VPS13B: variants seen among roughly 807,000 people sequenced by gnomAD.
The protein encoded by VPS13B is vacuolar protein sorting 13 homolog B, also known as intermembrane lipid transfer protein VPS13B.
VPS13B carries 285 observed loss-of-function variants against 426.4 expected under a neutral mutation model. The observed-to-expected ratio is 0.67, with a 90% CI of 0.61 to 0.74. VPS13B has a LOEUF of 0.74. Among genes scored for constraint, VPS13B ranks in the 30% least tolerant of loss-of-function variants. The probability of loss-of-function intolerance (pLI) is 0.00; values close to 1 mark genes in which losing one functional copy is unlikely to be tolerated. For synonymous variants in VPS13B, 1,676 were observed against 1,676.4 expected, an observed-to-expected ratio of 1.00 and a Z score of 0.01; for missense variants, 4,537 against 4,782.6, an observed-to-expected ratio of 0.95 and a Z score of 1.51.
intron 2 of VPS13B, among the ~76,000 whole-genome samples, chr8:99,035,067 G>T (rs539011681): frequency 6.7e-6 from 1 of 149,870 alleles, no homozygotes; most frequent in South Asian, 2.1e-4. Context: ...GTGGTGACGT[G>T]CATATAATCC....
Position 99,859,338 on chromosome 8 carries a change from C to T in VPS13B, c.10902C>T (p.Ser3634=), listed in dbSNP as rs2130933479. The part of the protein sequence containing the change: ...WVVGSLDILG[S]PASLVRSIGN... ...TTGGGTCTCTGGATATTCTTGGCAG[C>T]CCTGCAAGCCTGGTGAGAAGCATCG... Residue 3634 remains serine, a synonymous_variant, in exon 57 of 62, where the codon AGC becomes AGT. Transcript: ENST00000357162. 2 of 1,613,924 alleles carry T rather than the reference C, an allele frequency of 1.2e-6. No homozygotes were observed. Among genetic ancestry groups the T allele is most frequent in the South Asian group, 1.1e-5 (1 of 91,060 alleles).
intron 25 of VPS13B, among the ~76,000 whole-genome samples, chr8:99,488,142 T>A (rs1464948621): frequency 2.0e-5 from 3 of 152,198 alleles, no homozygotes; most frequent in Non-Finnish European, 2.9e-5. Flanking sequence ...TATTCGGTGC[T>A]GATTTTCTGA....
At position 99,853,901 on chromosome 8, in the gene VPS13B, T is replaced by C; in HGVS notation, c.10512T>C (p.Ala3504=). 1.2e-6 allele frequency: 2 copies of C among 1,614,228 alleles called. No individual in the cohort carries two copies. The highest frequency in any genetic ancestry group is 8.5e-7 in the Non-Finnish European group (1 of 1,180,046). ...INEFSFELKP[A]RLYVEDTFVY... ...AGTTCAGCTTTGAATTAAAACCTGC[T>C]CGGTTATACGTGGAAGACACATTTG... is the stretch of plus-strand genomic sequence containing the variant. The change falls in exon 56 of 62, where the codon GCT becomes GCC. Residue 3504 remains alanine (A), a synonymous_variant. Transcript: ENST00000357162.
chr8:99,593,310 GC>G (rs1436277858), intron 33 of VPS13B, among the ~76,000 whole-genome samples: 9 of 152,070 alleles, frequency 5.9e-5, no homozygotes, highest in African/African-American at 2.2e-4. Context: ...ATGAAAAAAA[GC>G]TCAGGATCAC....
intron 51 of VPS13B, among the ~76,000 whole-genome samples, chr8:99,830,938 T>C (rs552915684): frequency 6.6e-6 from 1 of 151,910 alleles, no homozygotes; most frequent in Admixed American, 6.5e-5. Context: ...ACCCACTGTC[T>C]AAACAGTCCC....
At chr8:99,086,056 T>G (rs1192776125) in intron 3 of VPS13B, among the ~76,000 whole-genome samples, 1 of 152,226 alleles carries the variant, frequency 6.6e-6, no homozygotes, top group Non-Finnish European at 1.5e-5. Context: ...CAGAGTGTTT[T>G]CCAACTTGTT....
intron 7 of VPS13B, among the ~76,000 whole-genome samples, chr8:99,120,838 G>T (rs1335458218): frequency 2.0e-5 from 3 of 151,888 alleles, no homozygotes; most frequent in Non-Finnish European, 4.4e-5. Flanking sequence ...TTGAGAGGTA[G>T]GTTTTTTGTT....
At chr8:99,684,090 GTTA>G (rs1406364630) in intron 35 of VPS13B, among the ~76,000 whole-genome samples, 1 of 152,138 alleles carries the variant, frequency 6.6e-6, no homozygotes, top group African/African-American at 2.4e-5. Context: ...TAGTATCTTT[GTTA>G]TTGTTGTAAA....
At chr8:99,295,762 C>T (rs1271528959) in intron 19 of VPS13B, among the ~76,000 whole-genome samples, 1 of 152,158 alleles carries the variant, frequency 6.6e-6, no homozygotes, top group African/African-American at 2.4e-5. Context: ...GGCGCAATGG[C>T]TCATCCCTAT....
At chr8:99,058,763 A>G (rs148014497) in intron 3 of VPS13B, among the ~76,000 whole-genome samples, 2 of 152,270 alleles carry the variant, frequency 1.3e-5, no homozygotes, top group Non-Finnish European at 2.9e-5. Flanking sequence ...TGTCTGTGGC[A>G]TTGGAGAGGT....
chr8:99,835,862 C>T (rs967785288), intron 54 of VPS13B, 124 bp downstream of exon 54: 3 of 953,934 alleles, frequency 3.1e-6, no homozygotes, highest in African/African-American at 1.6e-5. Flanking sequence ...TGTGAGAGAA[C>T]ATGTGTATCC....
chr8:99,688,843 A>G (rs551645303), intron 35 of VPS13B, among the ~76,000 whole-genome samples: 21 of 152,200 alleles, frequency 1.4e-4, no homozygotes, highest in African/African-American at 3.9e-4. Flanking sequence ...AAGCTTATAT[A>G]TCATCTCGAG....
intron 25 of VPS13B, among the ~76,000 whole-genome samples, chr8:99,484,336 T>C (rs1820190135): frequency 6.6e-6 from 1 of 152,136 alleles, no homozygotes; most frequent in Non-Finnish European, 1.5e-5. Flanking sequence ...TGTTTTGTAC[T>C]ATCTATAGAT....
chr8:99,294,511 G>A (rs898385635), intron 19 of VPS13B, among the ~76,000 whole-genome samples: 2 of 149,990 alleles, frequency 1.3e-5, no homozygotes, highest in East Asian at 3.9e-4. Flanking sequence ...TGCACAATGT[G>A]CACATGTACC....
At chr8:99,139,846 A>T (rs1810303168) in intron 12 of VPS13B, among the ~76,000 whole-genome samples, 2 of 151,954 alleles carry the variant, frequency 1.3e-5, no homozygotes, top group Admixed American at 6.6e-5. Flanking sequence ...GGATACTTGT[A>T]AATACTTAAA....
intron 19 of VPS13B, among the ~76,000 whole-genome samples, chr8:99,316,327 T>G (rs979917230): frequency 1.3e-5 from 2 of 152,022 alleles, no homozygotes; most frequent in Non-Finnish European, 2.9e-5. Flanking sequence ...AGTGGGAATA[T>G]AGGGATATGG....
At chr8:99,554,702 T>C (rs1824461781) in intron 30 of VPS13B, among the ~76,000 whole-genome samples, 2 of 152,068 alleles carry the variant, frequency 1.3e-5, no homozygotes, top group African/African-American at 4.8e-5. Flanking sequence ...AAAAGCTTCA[T>C]AAAAACAGAG....
intron 17 of VPS13B, among the ~76,000 whole-genome samples, chr8:99,251,802 T>G (rs1817524671): frequency 6.6e-6 from 1 of 152,002 alleles, no homozygotes; most frequent in Non-Finnish European, 1.5e-5. Context: ...AGATTTACTT[T>G]TTGGGTTCAT....
chr8:99,410,472 C>T (rs1332980711), intron 21 of VPS13B, among the ~76,000 whole-genome samples: 1 of 152,010 alleles, frequency 6.6e-6, no homozygotes, highest in Non-Finnish European at 1.5e-5. Flanking sequence ...CATGTTACCT[C>T]CTTTGTGGAA....
Sources: gnomAD v4.1 joint callset for allele counts (sites outside exome capture counted in the v4.1 genomes callset) on GRCh38, gnomAD v4.1.1 for gene constraint, MANE v1.5 for transcripts, NCBI Gene and HGNC (gene_info 2026-07-23, HGNC 2026-07-21) for gene names.